The following PCSK2 variants were observed in gnomAD, a reference collection of about 807,000 sequenced individuals.
PCSK2 encodes proprotein convertase subtilisin/kexin type 2.
Under a neutral mutation model 69.7 loss-of-function variants are expected in PCSK2, and 14 were observed. That is an observed-to-expected ratio of 0.20 (90% CI 0.13 to 0.31). PCSK2 has a LOEUF of 0.31. Ranked by LOEUF, PCSK2 falls within the 10% of genes least tolerant of loss-of-function variation. The pLI is 1.00. For missense variants in PCSK2, 544 were observed against 842.5 expected (o/e 0.65, Z 4.39); for synonymous variants, 307 against 320.7 (o/e 0.96, Z 0.46).
intron 1 of PCSK2, among the ~76,000 whole-genome samples, chr20:17,237,658 T>A (rs1023538563): frequency 2.0e-5 from 3 of 152,132 alleles, no homozygotes; most frequent in Admixed American, 1.3e-4. Flanking sequence ...GAGTGTTAAT[T>A]TGGGTCCCCA....
chr20:17,227,410 T>G lies in PCSK2; in HGVS notation c.105T>G (p.Leu35=), dbSNP rs185245099. The change falls in exon 1 of 12, where the codon CTT becomes CTG. Residue 35 remains leucine, a synonymous_variant. Transcript: ENST00000262545. ...AERPVFTNHF[L]VELHKGGEDK... ...GACCGGTCTTCACGAATCATTTTCT[T>G]GTGGAGTTGCATAAAGGGGGAGAGG... The G allele has an allele frequency of 1.2e-6, 2 of 1,613,934 alleles. No individual in the cohort carries two copies. Among genetic ancestry groups the G allele is most frequent in the South Asian group, 1.1e-5 (1 of 91,068 alleles).
At position 17,387,618 on chromosome 20, in the gene PCSK2, C is replaced by T. The variant is rs117263590; in HGVS notation, c.543+18341C>T. On this transcript the variant is annotated intron_variant, in intron 5 of 11. Transcript: ENST00000262545. ...TCTCAGAGAGGGACCAAAATGGAAG[C>T]TACAATATCTTTTACGATCTAGCCT... is the stretch of plus-strand genomic sequence containing the variant. Among the ~76,000 whole-genome samples the T allele has an allele frequency of 4.5e-3, 686 of 152,288 alleles. 17 individuals carry two copies. Among genetic ancestry groups the T allele is most frequent in the East Asian group, 0.032 (166 of 5,174 alleles).
chr20:17,338,847 A>T (rs902226428), intron 2 of PCSK2, among the ~76,000 whole-genome samples: 7 of 152,166 alleles, frequency 4.6e-5, no homozygotes, highest in Non-Finnish European at 8.8e-5. Flanking sequence ...CAAAGGGAAG[A>T]CAATCTCAAC....
At chr20:17,450,016 CCTTTTTT>C (rs1568655344) in intron 8 of PCSK2, among the ~76,000 whole-genome samples, 4 of 96,714 alleles carry the variant, frequency 4.1e-5, no homozygotes, top group Non-Finnish European at 9.1e-5. Context: ...GAATTTCTTC[CCTTTTTT>C]TTTTTTTTTT....
In PCSK2 at chr20:17,260,220, G is replaced by A; in HGVS notation, c.178-20G>A. 6.5e-7 allele frequency: 1 copy of A among 1,526,866 alleles called. No individual in the cohort carries two copies. 94.6% of individuals were successfully genotyped at this position (1,526,866 alleles called of 1,614,324 possible). On this transcript the variant is annotated intron_variant, in intron 1 of 11. Transcript: ENST00000262545. ...AACCCCAGAAGCTAACTATGCCTATGTCTACTTGACTCTCCACAGCTTCCC... is the reference window on the plus strand; with the variant it reads ...AACCCCAGAAGCTAACTATGCCTATATCTACTTGACTCTCCACAGCTTCCC...
chr20:17,362,392 T>C (rs747527969), intron 4 of PCSK2, among the ~76,000 whole-genome samples: 4 of 152,202 alleles, frequency 2.6e-5, no homozygotes, highest in Non-Finnish European at 5.9e-5. Flanking sequence ...ACCATATTAT[T>C]ATCTCTCACG....
At chr20:17,392,694 C>T (rs2031414598) in intron 5 of PCSK2, among the ~76,000 whole-genome samples, 2 of 152,128 alleles carry the variant, frequency 1.3e-5, no homozygotes, top group Admixed American at 1.3e-4. Flanking sequence ...AGTATACAGC[C>T]TTTGAGTCTG....
At position 17,319,753 on chromosome 20, in the gene PCSK2, C is replaced by T. The variant is rs536206746; in HGVS notation, c.283-38574C>T. ...ACGTATCCTTGAAAATGCTTTTATC[C>T]GTATCACCAGACCAAAACTCTAGGG... is the stretch of plus-strand genomic sequence containing the variant. On this transcript the variant is annotated intron_variant, in intron 2 of 11. Coordinates refer to ENST00000262545, the MANE Select transcript of PCSK2 (RefSeq NM_002594.5). 1.1e-4 allele frequency among the ~76,000 whole-genome samples: 16 copies of T among 152,162 alleles called. No homozygotes were observed. The South Asian group carries it at 2.7e-3, about 26-fold the overall frequency.
intron 6 of PCSK2, among the ~76,000 whole-genome samples, chr20:17,414,905 C>T (rs1179600472): frequency 6.6e-6 from 1 of 152,170 alleles, no homozygotes; most frequent in East Asian, 1.9e-4. Context: ...AAACGTAATC[C>T]ATCACATAAA....
In PCSK2 at chr20:17,436,779, C is replaced by A. The variant is rs2032491718; in HGVS notation, c.781C>A (p.Leu261Met). 1 of 1,613,906 alleles carries A rather than the reference C, an allele frequency of 6.2e-7. No homozygotes were observed. The highest frequency in any genetic ancestry group is 1.1e-5 in the South Asian group (1 of 91,090). The change falls in exon 8 of 12, where the codon CTG becomes ATG. Residue 261 changes from leucine to methionine, a missense_variant. Around this residue, in one of 3 missense-constraint regions of PCSK2, gnomAD observed 187 missense variants for 399.8 expected, o/e 0.47. Coordinates refer to ENST00000262545, the MANE Select transcript of PCSK2 (RefSeq NM_002594.5). The stretch of plus-strand genomic sequence containing the variant: ...CTCCTCCATCAGTCATATGCCACAG[C>A]TGATTGACATCTACAGCGCCAGCTG... ...EASSISHMPQ[L>M]IDIYSASWGP... is the part of the protein sequence containing the mutation.
At chr20:17,258,309 C>T (rs944633867) in intron 1 of PCSK2, among the ~76,000 whole-genome samples, 2 of 152,176 alleles carry the variant, frequency 1.3e-5, no homozygotes, top group Non-Finnish European at 2.9e-5. Context: ...TGAATAAACA[C>T]CCTTCGGGTT....
intron 9 of PCSK2, among the ~76,000 whole-genome samples, 171 bp downstream of exon 9, chr20:17,454,128 G>A (rs2032877190): frequency 6.6e-6 from 1 of 152,142 alleles, no homozygotes; most frequent in Non-Finnish European, 1.5e-5. Flanking sequence ...TTCTAACAAA[G>A]CACAGACCTC....
intron 4 of PCSK2, among the ~76,000 whole-genome samples, chr20:17,367,948 C>G (rs181602002): frequency 6.6e-6 from 1 of 152,270 alleles, no homozygotes; most frequent in African/African-American, 2.4e-5. Flanking sequence ...GGACTATAGT[C>G]TCCCAAACTA....
intron 8 of PCSK2, among the ~76,000 whole-genome samples, chr20:17,439,996 C>A (rs920572408): frequency 2.0e-5 from 3 of 152,204 alleles, no homozygotes; most frequent in African/African-American, 7.2e-5. Flanking sequence ...TGCTGGTCAA[C>A]GTCTCTGTCT....
chr20:17,278,165 T>C (rs1568581876), intron 2 of PCSK2, among the ~76,000 whole-genome samples: 1 of 152,208 alleles, frequency 6.6e-6, no homozygotes, highest in Non-Finnish European at 1.5e-5. Context: ...AGTGTGGCAA[T>C]TCCTCAGGGA....
chr20:17,383,208 T>G (rs1201893129), intron 5 of PCSK2, among the ~76,000 whole-genome samples: 2 of 152,180 alleles, frequency 1.3e-5, no homozygotes, highest in Non-Finnish European at 2.9e-5. Context: ...ACCTTTTAAT[T>G]TCTTCTGGCC....
chr20:17,322,242 C>T (rs1225570346), intron 2 of PCSK2, among the ~76,000 whole-genome samples: 1 of 152,062 alleles, frequency 6.6e-6, no homozygotes, highest in African/African-American at 2.4e-5. Flanking sequence ...AGGCAGGGCA[C>T]TTGTTGGGAC....
At chr20:17,359,122 A>G (rs143090081) in intron 3 of PCSK2, among the ~76,000 whole-genome samples, 1 of 152,344 alleles carries the variant, frequency 6.6e-6, no homozygotes, top group Non-Finnish European at 1.5e-5. Flanking sequence ...AAAGGGAGTG[A>G]CTAATTTGTA....
chr20:17,411,850 G>A (rs1316553257), intron 6 of PCSK2, among the ~76,000 whole-genome samples: 1 of 152,224 alleles, frequency 6.6e-6, no homozygotes, highest in Non-Finnish European at 1.5e-5. Context: ...TTGCTGTTCT[G>A]CAATATTTGC....
Sources: allele counts gnomAD v4.1 joint callset (sites outside exome capture counted in the v4.1 genomes callset), GRCh38; gene constraint gnomAD v4.1.1; regional missense constraint gnomAD v4.1.1; transcripts MANE v1.5; gene names NCBI Gene and HGNC (gene_info 2026-07-23, HGNC 2026-07-21).